Variants in ATG4B observed in about 807,000 individuals in gnomAD.
The protein encoded by ATG4B is autophagy related 4B cysteine peptidase.
A neutral mutation model predicts 56.6 loss-of-function variants in ATG4B; 29 were observed. The ratio of observed to expected loss-of-function variants is 0.51; its 90% confidence interval spans 0.38 to 0.70. The LOEUF (loss-of-function observed/expected upper bound fraction) is 0.70, where lower values mean the gene tolerates loss of function less well. Ranked by LOEUF, ATG4B falls within the 30% of genes least tolerant of loss-of-function variation. The probability of loss-of-function intolerance (pLI) is 0.00; values close to 1 mark genes in which losing one functional copy is unlikely to be tolerated. For missense variants in ATG4B, 461 were observed against 515.5 expected (o/e 0.89, Z 1.02); for synonymous variants, 224 against 206.1 (o/e 1.09, Z -0.74).
At chr2:241,643,148 G>T (rs1204497170) in intron 1 of ATG4B, among the ~76,000 whole-genome samples, 1 of 151,740 alleles carries the variant, frequency 6.6e-6, no homozygotes. Flanking sequence ...GCCTCCCAAA[G>T]TGCTGGGATT....
intron 1 of ATG4B, among the ~76,000 whole-genome samples, chr2:241,649,411 T>G (rs886281747): frequency 6.6e-6 from 1 of 152,234 alleles, no homozygotes; most frequent in Non-Finnish European, 1.5e-5. Context: ...TATTGAAGTG[T>G]GGGGTTGTTA....
chr2:241,657,820 T>C (rs969313249), intron 6 of ATG4B, among the ~76,000 whole-genome samples: 7 of 152,196 alleles, frequency 4.6e-5, no homozygotes, highest in Admixed American at 1.3e-4. Flanking sequence ...ATAAAACATA[T>C]TGGCCACTGC....
At chr2:241,657,202 C>G (rs1182970905) in intron 6 of ATG4B, among the ~76,000 whole-genome samples, 2 of 142,926 alleles carry the variant, frequency 1.4e-5, no homozygotes, top group Non-Finnish European at 3.0e-5. Flanking sequence ...GTCTTGAACT[C>G]CTGACCTCGT....
intron 7 of ATG4B, among the ~76,000 whole-genome samples, chr2:241,660,032 A>G (rs1310877520): frequency 6.6e-6 from 1 of 152,174 alleles, no homozygotes; most frequent in Non-Finnish European, 1.5e-5. Flanking sequence ...TCTACTAAAA[A>G]TACAGAAACT....
intron 7 of ATG4B, 65 bp downstream of exon 7, chr2:241,659,252 G>T: frequency 7.0e-7 from 1 of 1,431,610 alleles, no homozygotes; most frequent in South Asian, 1.2e-5. Flanking sequence ...ACACTTCCTC[G>T]CCTGAGTCCC....
rs545154495 is a variant in ATG4B, at chr2:241,673,517, G to A, written c.*1253G>A. ...CCAGAGATCCCCGAGGACGCGCGCC[G>A]GACAGTCGGCACTGACCGGCCCACC... On this transcript the variant is annotated 3_prime_UTR_variant, in exon 13 of 13. Transcript: ENST00000404914. 18 of 445,144 alleles carry A rather than the reference G, an allele frequency of 4.0e-5. No homozygotes were observed. The highest frequency in any genetic ancestry group is 9.5e-5 in the Admixed American group (4 of 42,324). The allele number at this position is 445,144 out of a possible 1,614,324, so 27.6% of individuals were successfully genotyped here. A position where few individuals can be genotyped will look rare whatever the true frequency, so the allele number is the denominator to read the frequency against.
intron 7 of ATG4B, among the ~76,000 whole-genome samples, chr2:241,662,252 C>G (rs549162266): frequency 4.6e-5 from 7 of 152,090 alleles, no homozygotes; most frequent in Non-Finnish European, 8.8e-5. Context: ...CTCTAAACAT[C>G]CAAATAATAG....
intron 8 of ATG4B, chr2:241,667,862 C>G (rs897394479): frequency 2.3e-6 from 1 of 436,924 alleles, no homozygotes; most frequent in African/African-American, 2.0e-5. Flanking sequence ...TCCCGCACCC[C>G]TGCTCACATC....
At chr2:241,647,622 C>CAA (rs35875880) in intron 1 of ATG4B, among the ~76,000 whole-genome samples, 13 of 117,634 alleles carry the variant, frequency 1.1e-4, no homozygotes, top group Admixed American at 1.8e-4. Context: ...GACTCCGTCT[C>CAA]AAAAAAAAAA....
chr2:241,641,809 A>C (rs1353953466), intron 1 of ATG4B, among the ~76,000 whole-genome samples: 1 of 152,150 alleles, frequency 6.6e-6, no homozygotes, highest in Non-Finnish European at 1.5e-5. Flanking sequence ...AAAGAGGCCA[A>C]AGGCCTCTGC....
chr2:241,667,965 C>A, intron 8 of ATG4B, 178 bp from the exon 9 acceptor site: 1 of 592,624 alleles, frequency 1.7e-6, no homozygotes, highest in Non-Finnish European at 3.0e-6. Context: ...TTTCTTGTGC[C>A]TGTGGGATGT....
rs1375822571 is a variant in ATG4B, at chr2:241,653,553, C to T, written c.226C>T (p.Leu76=). The T allele has an allele frequency of 1.9e-6, 3 of 1,583,756 alleles. No homozygotes were observed. The highest frequency in any genetic ancestry group is 2.6e-6 in the Non-Finnish European group (3 of 1,165,062). ...PTSDTGWGCM[L]RCGQMIFAQA... Reference sequence around the variant, plus strand: ...CTCGGACACAGGCTGGGGCTGCATGCTGCGGTGTGGACAGATGATCTTTGC... The same window carrying T: ...CTCGGACACAGGCTGGGGCTGCATGTTGCGGTGTGGACAGATGATCTTTGC... Residue 76 remains leucine (L), a synonymous_variant, in exon 4 of 13, where the codon CTG becomes TTG. Coordinates refer to ENST00000404914, the MANE Select transcript of ATG4B (RefSeq NM_013325.5).
intron 1 of ATG4B, among the ~76,000 whole-genome samples, chr2:241,639,589 G>C (rs905485090): frequency 6.6e-6 from 1 of 152,186 alleles, no homozygotes; most frequent in African/African-American, 2.4e-5. Context: ...GACAATCGAA[G>C]GGTGAGGAGG....
chr2:241,638,388 T>C (rs1252045595), intron 1 of ATG4B: 1 of 152,024 alleles, frequency 6.6e-6, no homozygotes, highest in East Asian at 1.9e-4. Flanking sequence ...TGTGTGTGTA[T>C]AGGGAGTGTT....
Position 241,672,339 on chromosome 2 carries a change from G to A in ATG4B, c.*75G>A, listed in dbSNP as rs1019530555. The A allele has an allele frequency of 1.4e-5, 19 of 1,350,254 alleles. No homozygotes were observed. The highest frequency in any genetic ancestry group is 7.3e-5 in the African/African-American group (5 of 68,848). The allele number at this position is 1,350,254 out of a possible 1,614,324, so 83.6% of individuals were successfully genotyped here. On this transcript the variant is annotated 3_prime_UTR_variant, in exon 13 of 13. Transcript: ENST00000404914. ...CCGCTGCGTTTCATCCATCCCGCCC[G>A]CTCGCCTGCCGAGGGCTGCGCCCCG...
chr2:241,657,883 C>T (rs556965931), intron 6 of ATG4B, among the ~76,000 whole-genome samples: 3 of 152,208 alleles, frequency 2.0e-5, no homozygotes, highest in African/African-American at 2.4e-5. Context: ...GGGCTCTACC[C>T]GACCTCCCTG....
intron 4 of ATG4B, 81 bp from the exon 5 acceptor site, chr2:241,654,465 C>A: frequency 1.2e-6 from 1 of 849,602 alleles, no homozygotes; most frequent in Non-Finnish European, 1.9e-6. Flanking sequence ...GGTTTGGATG[C>A]CATCTGTATC....
intron 1 of ATG4B, among the ~76,000 whole-genome samples, chr2:241,639,501 A>G (rs1449517779): frequency 2.0e-5 from 3 of 152,222 alleles, no homozygotes. Context: ...ACAGTGTTAC[A>G]GCCTTCTTTG....
Position 241,668,056 on chromosome 2 carries a change from G to A in ATG4B, c.733-87G>A. 7.3e-7 allele frequency: 1 copy of A among 1,368,574 alleles called. No individual in the cohort carries two copies. Among genetic ancestry groups the A allele is most frequent in the Non-Finnish European group, 1.0e-6 (1 of 995,866 alleles). 84.8% of individuals were successfully genotyped at this position (1,368,574 alleles called of 1,614,324 possible). A position where few individuals can be genotyped will look rare whatever the true frequency, so the allele number is the denominator to read the frequency against. ...TCTTGTGTCACCCAGTTGGGCCTCA[G>A]CAGGCCCTTGGGCCCCCTATGGCAG... On this transcript the variant is annotated intron_variant, in intron 8 of 12. Transcript: ENST00000404914. This position sits in a 1 kb window ranked among gnomAD's most constrained non-coding sequence, Gnocchi z 4.2.
Sources: gnomAD v4.1 joint callset for allele counts (sites outside exome capture counted in the v4.1 genomes callset) on GRCh38, gnomAD v4.1.1 for gene constraint, Gnocchi (gnomAD v3.1) non-coding constraint, MANE v1.5 for transcripts, NCBI Gene and HGNC (gene_info 2026-07-23, HGNC 2026-07-21) for gene names.